The following GRIP2 variants were observed in gnomAD, a reference collection of about 807,000 sequenced individuals.
GRIP2 encodes glutamate receptor-interacting protein 2.
A neutral mutation model predicts 108.3 loss-of-function variants in GRIP2; 58 were observed. That is an observed-to-expected ratio of 0.54 (90% CI 0.43 to 0.67). The LOEUF is 0.67. Ranked by LOEUF, GRIP2 falls within the 30% of genes least tolerant of loss-of-function variation. The pLI is 0.00. For synonymous variants in GRIP2, 586 were observed against 598.2 expected (o/e 0.98, Z 0.30); for missense variants, 1,278 against 1,430.6 (o/e 0.89, Z 1.72).
intron 1 of GRIP2, among the ~76,000 whole-genome samples, chr3:14,550,316 T>C (rs2090701): frequency 0.85 from 128,955 of 152,220 alleles, 54,919 homozygotes; most frequent in African/African-American, 0.93. Context: ...TACAAGCCCT[T>C]CAAGACTGCT....
At chr3:14,549,473 G>C (rs1357787183) in intron 1 of GRIP2, among the ~76,000 whole-genome samples, 1 of 152,224 alleles carries the variant, frequency 6.6e-6, no homozygotes, top group Non-Finnish European at 1.5e-5. Context: ...GAGACCCAGT[G>C]TGTGGCTGAA....
intron 9 of GRIP2, among the ~76,000 whole-genome samples, chr3:14,519,307 G>T (rs1357631384): frequency 1.3e-5 from 2 of 152,188 alleles, no homozygotes; most frequent in Non-Finnish European, 2.9e-5. Flanking sequence ...GTTTGCAAAG[G>T]GTGGGGTGGA....
At chr3:14,496,377 A>G (rs1693600838) in intron 22 of GRIP2, 40 bp downstream of exon 22, 1 of 1,544,666 alleles carries the variant, frequency 6.5e-7, no homozygotes, top group East Asian at 2.3e-5. Flanking sequence ...TGGCACCAGA[A>G]CACAGGTCCA....
chr3:14,571,195 T>C, the GRIP2 span, among the ~76,000 whole-genome samples: 5 of 152,192 alleles, frequency 3.3e-5, no homozygotes, highest in Admixed American at 6.5e-5. Context: ...GGAGAGTGTC[T>C]GTACGTGCAG....
At position 14,540,341 on chromosome 3, in the gene GRIP2, T is replaced by C. The variant is rs758838288; in HGVS notation, c.-33A>G. ...ATTGTCTCCCCTGCTGCCCACCAAC[T>C]CCCTCGGGAGCCACGCTGCTTGGCC... is the stretch of plus-strand genomic sequence containing the variant. On this transcript the variant is annotated 5_prime_UTR_variant, in exon 1 of 24. Transcript: ENST00000621039. This position sits in a 1 kb window ranked among gnomAD's most constrained non-coding sequence, Gnocchi z 4.1. 1.2e-6 allele frequency: 2 copies of C among 1,612,312 alleles called. No individual in the cohort carries two copies. Among genetic ancestry groups the C allele is most frequent in the Admixed American group, 1.7e-5 (1 of 59,836 alleles).
Position 14,505,715 on chromosome 3 carries a change from G to T in GRIP2, c.2473C>A (p.Pro825Thr). Residue 825 changes from proline (P) to threonine (T), a missense_variant, in exon 20 of 24, where the codon CCC becomes ACC. Transcript: ENST00000621039. The surrounding 1 kb of genome is among the most constrained non-coding windows in gnomAD (Gnocchi z 4.2). Reference protein sequence around the residue: ...ERRPGWLRGSPPPTEPRRTSY... With the variant: ...ERRPGWLRGSTPPTEPRRTSY... The stretch of plus-strand genomic sequence containing the variant: ...GTCCTCCGGGGCTCGGTGGGTGGGG[G>T]GCTGCCCCTCAGCCAGCCAGGCCTC... 1.3e-6 allele frequency: 2 copies of T among 1,591,696 alleles called. No homozygotes were observed. The highest frequency in any genetic ancestry group is 2.3e-5 in the East Asian group (1 of 43,782).
At chr3:14,574,661 G>C in the GRIP2 span, 3 of 645,846 alleles carry the variant, frequency 4.6e-6, no homozygotes, top group Non-Finnish European at 8.8e-6. Flanking sequence ...GGAAATTCGT[G>C]TTTTCCGCCA....
rs568879355 is a variant in GRIP2 at position 14,512,604 on chromosome 3, G to A, written c.1720+173C>T. On this transcript the variant is annotated intron_variant, in intron 14 of 23. Coordinates refer to ENST00000621039, the MANE Select transcript of GRIP2 (RefSeq NM_001080423.4). The surrounding 1 kb of genome is among the most constrained non-coding windows in gnomAD (Gnocchi z 5.1). ...TGAAGCTTTGGGAAGCTGGGGTCTC[G>A]CTGAGAACACGCAGCTGGGTCCACG... 2.6e-5 allele frequency among the ~76,000 whole-genome samples: 4 copies of A among 152,302 alleles called. No individual in the cohort carries two copies. The highest frequency in any genetic ancestry group is 1.9e-4 in the East Asian group (1 of 5,178).
At chr3:14,516,341 T>C (rs1222331599) in intron 11 of GRIP2, among the ~76,000 whole-genome samples, 1 of 152,210 alleles carries the variant, frequency 6.6e-6, no homozygotes, top group Non-Finnish European at 1.5e-5. Flanking sequence ...TGGCCCAGTT[T>C]GATCTTCTAT....
In GRIP2 at chr3:14,512,629, G is replaced by A. The variant is rs139237479; in HGVS notation, c.1720+148C>T. ...GCTGAGAACACGCAGCTGGGTCCAC[G>A]GAAGCCAGCCTCCCCACACCCCCAA... is the stretch of plus-strand genomic sequence containing the variant. On this transcript the variant is annotated intron_variant, in intron 14 of 23. Coordinates refer to ENST00000621039, the MANE Select transcript of GRIP2 (RefSeq NM_001080423.4). This position sits in a 1 kb window ranked among gnomAD's most constrained non-coding sequence, Gnocchi z 5.1. 5,523 of 690,918 alleles carry A rather than the reference G, an allele frequency of 8.0e-3. 63 individuals carry two copies. Among genetic ancestry groups the A allele is most frequent in the South Asian group, 0.027 (1,413 of 53,226 alleles). The allele number at this position is 690,918 out of a possible 1,614,324, so 42.8% of individuals were successfully genotyped here.
chr3:14,581,381 A>C, the GRIP2 span, among the ~76,000 whole-genome samples: 2 of 152,188 alleles, frequency 1.3e-5, no homozygotes, highest in East Asian at 3.8e-4. Context: ...GAGTTGGGTG[A>C]GAGCAGCAGG....
chr3:14,560,543 C>G (rs532169014), upstream of GRIP2, among the ~76,000 whole-genome samples: 29 of 152,276 alleles, frequency 1.9e-4, no homozygotes, highest in East Asian at 5.6e-3. Flanking sequence ...CCAAGTCAAC[C>G]CAGTGAGATG....
At chr3:14,589,416 G>A in the GRIP2 span, among the ~76,000 whole-genome samples, 5 of 152,156 alleles carry the variant, frequency 3.3e-5, no homozygotes, top group African/African-American at 1.2e-4. Context: ...CCATGGGAGA[G>A]GTGGGGACTA....
the GRIP2 span, among the ~76,000 whole-genome samples, chr3:14,580,340 A>G: frequency 2.0e-5 from 3 of 152,270 alleles, no homozygotes; most frequent in Middle Eastern, 3.4e-3. Context: ...ACATCTTTAA[A>G]TTGCCTCATG....
At chr3:14,509,325 G>T (rs1029690301) in intron 17 of GRIP2, among the ~76,000 whole-genome samples, 5 of 152,232 alleles carry the variant, frequency 3.3e-5, no homozygotes, top group Admixed American at 6.5e-5. Context: ...TGGGGGTCGG[G>T]TTCCATCTCT....
chr3:14,511,035 T>C lies in GRIP2; in HGVS notation c.1933+130A>G. The C allele has an allele frequency of 1.8e-6, 2 of 1,113,998 alleles. 1 individual carries two copies. The highest frequency in any genetic ancestry group is 3.2e-5 in the South Asian group (2 of 62,808). 69.0% of individuals were successfully genotyped at this position (1,113,998 alleles called of 1,614,324 possible). A position where few individuals can be genotyped will look rare whatever the true frequency, so the allele number is the denominator to read the frequency against. ...TGTTGCCCCCTCCTTCATTTGTTCA[T>C]TCCAGCCAGCCTTCAGCAGCGCCCA... is the stretch of plus-strand genomic sequence containing the variant. On this transcript the variant is annotated intron_variant, in intron 16 of 23. Transcript: ENST00000621039. This position sits in a 1 kb window ranked among gnomAD's most constrained non-coding sequence, Gnocchi z 4.1.
At position 14,537,819 on chromosome 3, in the gene GRIP2, A is replaced by G. The variant is rs916753448; in HGVS notation, c.40+2450T>C. Among the ~76,000 whole-genome samples, 9 of 152,192 alleles carry G rather than the reference A, an allele frequency of 5.9e-5. 1 individual carries two copies. The East Asian group carries it at 1.7e-3, about 29-fold the overall frequency. ...CCACTGAGACTTCCCTGCCCCCAGC[A>G]TGGCAGCAAGTGCCTGCTCAGACCT... On this transcript the variant is annotated intron_variant, in intron 1 of 23. Coordinates refer to ENST00000621039, the MANE Select transcript of GRIP2 (RefSeq NM_001080423.4).
At chr3:14,575,897 C>T in the GRIP2 span, among the ~76,000 whole-genome samples, 2 of 152,250 alleles carry the variant, frequency 1.3e-5, no homozygotes, top group Non-Finnish European at 2.9e-5. Flanking sequence ...TGCATGGAGG[C>T]TGTGCCCCCT....
rs543418766 is a variant in GRIP2, at chr3:14,509,872, G to T, written c.2026C>A (p.Pro676Thr). 6 of 1,541,724 alleles carry T rather than the reference G, an allele frequency of 3.9e-6. 1 individual carries two copies. Among genetic ancestry groups the T allele is most frequent in the Admixed American group, 4.0e-5 (2 of 49,830 alleles). Reference protein sequence around the residue: ...LGITISGTEEPFDPIVISGLT... With the variant: ...LGITISGTEETFDPIVISGLT... Reference sequence around the variant, plus strand: ...CCTGAGATGACAATGGGGTCAAAAGGTTCCTCCGTGCCCGAAATGGTGATG... The same window carrying T: ...CCTGAGATGACAATGGGGTCAAAAGTTTCCTCCGTGCCCGAAATGGTGATG... Residue 676 changes from proline (P) to threonine (T), a missense_variant, in exon 17 of 24, where the codon CCT (proline) becomes ACT (threonine). Physicochemically the swap from Pro to Thr is conservative, Grantham distance 38. Coordinates refer to ENST00000621039, the MANE Select transcript of GRIP2 (RefSeq NM_001080423.4).
Sources: gnomAD v4.1 joint callset for allele counts (sites outside exome capture counted in the v4.1 genomes callset) on GRCh38, gnomAD v4.1.1 for gene constraint, Gnocchi (gnomAD v3.1) non-coding constraint, MANE v1.5 for transcripts, NCBI Gene and HGNC (gene_info 2026-07-23, HGNC 2026-07-21) for gene names.